The following CTDP1 variants were observed in gnomAD, a reference collection of about 807,000 sequenced individuals.
CTDP1 encodes RNA polymerase II subunit A C-terminal domain phosphatase.
CTDP1 carries 47 observed loss-of-function variants against 91.8 expected under a neutral mutation model. The observed-to-expected ratio is 0.51, with a 90% CI of 0.41 to 0.65. The LOEUF is 0.65. Ranked by LOEUF, CTDP1 falls within the 30% of genes least tolerant of loss-of-function variation. The pLI is 0.00. For synonymous variants in CTDP1, 656 were observed against 598.5 expected, an observed-to-expected ratio of 1.10 and a Z score of -1.40; for missense variants, 1,272 against 1,373.7, an observed-to-expected ratio of 0.93 and a Z score of 1.17.
At position 79,713,630 on chromosome 18, in the gene CTDP1, T is replaced by C. The variant is rs567705453; in HGVS notation, c.1030+492T>C. On this transcript the variant is annotated intron_variant, in intron 7 of 12. Coordinates refer to ENST00000613122, the MANE Select transcript of CTDP1 (RefSeq NM_004715.5). This position sits in a 1 kb window ranked among gnomAD's most constrained non-coding sequence, Gnocchi z 4.7. ...CCACCCTACGAAAGTTAAGTGTTTT[T>C]TGATCTTTAGTTTTTTGAAAAATAT... Among the ~76,000 whole-genome samples, 400 of 152,364 alleles carry C rather than the reference T, an allele frequency of 2.6e-3. 1 individual carries two copies. Among genetic ancestry groups the C allele is most frequent in the African/African-American group, 8.1e-3 (338 of 41,576 alleles).
intron 11 of CTDP1, among the ~76,000 whole-genome samples, chr18:79,733,516 G>A (rs978755774): frequency 6.6e-6 from 1 of 150,954 alleles, no homozygotes; most frequent in Non-Finnish European, 1.5e-5. Context: ...CGCTGCCTCT[G>A]CAGCTGCGTT....
At chr18:79,734,520 G>A (rs909620533) in intron 11 of CTDP1, among the ~76,000 whole-genome samples, 2 of 151,852 alleles carry the variant, frequency 1.3e-5, no homozygotes, top group East Asian at 1.9e-4. Flanking sequence ...ACGGGGGCAC[G>A]TGCCGGGCTG....
intron 10 of CTDP1, among the ~76,000 whole-genome samples, chr18:79,719,733 C>T (rs2086295937): frequency 1.4e-5 from 2 of 146,728 alleles, no homozygotes; most frequent in Admixed American, 1.4e-4. Context: ...GATGATGTCA[C>T]CTCCCATCGT....
chr18:79,714,550 G>T lies in CTDP1; in HGVS notation c.1090G>T (p.Gly364Trp), dbSNP rs200499662. ...EPSPPVRDPE[G>W]VTQAPGVEPS... Reference sequence around the variant, plus strand: ...ATCTCCGCCCGTGAGAGACCCTGAGGGGGTAACGCAGGCCCCTGGAGTGGA... The same window carrying T: ...ATCTCCGCCCGTGAGAGACCCTGAGTGGGTAACGCAGGCCCCTGGAGTGGA... The change falls in exon 8 of 13, where the codon GGG (glycine) becomes TGG (tryptophan). Residue 364 changes from glycine (G) to tryptophan (W), a missense_variant. Physicochemically the swap from Gly to Trp is radical, Grantham distance 184. Coordinates refer to ENST00000613122, the MANE Select transcript of CTDP1 (RefSeq NM_004715.5). The T allele has an allele frequency of 8.7e-6, 14 of 1,613,046 alleles. No homozygotes were observed. The South Asian group carries it at 8.8e-5, about 10-fold the overall frequency.
At chr18:79,723,951 G>C (rs567417877) in intron 10 of CTDP1, among the ~76,000 whole-genome samples, 1 of 152,374 alleles carries the variant, frequency 6.6e-6, no homozygotes, top group Non-Finnish European at 1.5e-5. Context: ...GCGGAGCCGG[G>C]TCTCATGGTG....
intron 1 of CTDP1, among the ~76,000 whole-genome samples, chr18:79,689,087 A>G (rs768676443): frequency 6.6e-6 from 1 of 152,180 alleles, no homozygotes; most frequent in Non-Finnish European, 1.5e-5. Flanking sequence ...AATAGTCCTA[A>G]TAAAGTCCTT....
intron 1 of CTDP1, chr18:79,683,265 C>T (rs1227784810): frequency 1.3e-5 from 2 of 152,262 alleles, no homozygotes; most frequent in Non-Finnish European, 2.9e-5. Flanking sequence ...AGATCTTTAT[C>T]TGGGAGAGCA....
intron 3 of CTDP1, among the ~76,000 whole-genome samples, chr18:79,696,491 C>T (rs1224048839): frequency 6.6e-6 from 1 of 151,546 alleles, no homozygotes; most frequent in Non-Finnish European, 1.5e-5. Flanking sequence ...CATATTGGGG[C>T]AGATAATGGC....
At position 79,695,983 on chromosome 18, in the gene CTDP1, G is replaced by A. The variant is rs1436524019; in HGVS notation, c.405G>A (p.Gln135=). The change falls in exon 3 of 13, where the codon CAG becomes CAA. Residue 135 remains glutamine (Q), a synonymous_variant. Transcript: ENST00000613122. ...CCTGTCCTTGCACTTGCAGGTTGCA[G>A]AGTAAGAACGGGAAGCAGCAGGTGC... is the stretch of plus-strand genomic sequence containing the variant. The part of the protein sequence containing the change: ...AECGQDLTQL[Q]SKNGKQQVPL... The A allele has an allele frequency of 6.2e-7, 1 of 1,612,188 alleles. No individual in the cohort carries two copies. The highest frequency in any genetic ancestry group is 8.5e-7 in the Non-Finnish European group (1 of 1,179,942).
chr18:79,711,912 C>T (rs1452703806), intron 6 of CTDP1, among the ~76,000 whole-genome samples: 1 of 126,820 alleles, frequency 7.9e-6, no homozygotes, highest in Non-Finnish European at 1.7e-5. Flanking sequence ...GATGTAACAC[C>T]ATGTCAGGTG....
intron 11 of CTDP1, among the ~76,000 whole-genome samples, chr18:79,733,301 T>C (rs2086601733): frequency 6.6e-6 from 1 of 152,148 alleles, no homozygotes; most frequent in African/African-American, 2.4e-5. Flanking sequence ...TTGGTGTGTT[T>C]GTGCACAAAC....
At chr18:79,697,563 T>C (rs538094908) in intron 3 of CTDP1, among the ~76,000 whole-genome samples, 7 of 152,366 alleles carry the variant, frequency 4.6e-5, no homozygotes, top group African/African-American at 1.7e-4. Context: ...AGTTCACTTT[T>C]ATTGAGCACT....
rs777554210 is a variant in CTDP1, at chr18:79,717,872, C to G, written c.2273C>G (p.Pro758Arg). 6.2e-7 allele frequency: 1 copy of G among 1,613,650 alleles called. No individual in the cohort carries two copies. Among genetic ancestry groups the G allele is most frequent in the Non-Finnish European group, 8.5e-7 (1 of 1,180,002 alleles). Residue 758 changes from proline (P) to arginine (R), a missense_variant, in exon 10 of 13, where the codon CCG becomes CGG. Physicochemically the swap from Pro to Arg is moderately radical, Grantham distance 103. Coordinates refer to ENST00000613122, the MANE Select transcript of CTDP1 (RefSeq NM_004715.5). ...GTGCCCCCCACCGCCTTGTTCCACCCGATGCCGGTTCTTCCCAAGGCCCAG... is the reference window on the plus strand; with the variant it reads ...GTGCCCCCCACCGCCTTGTTCCACCGGATGCCGGTTCTTCCCAAGGCCCAG... Reference protein sequence around the residue: ...EGVPPTALFHPMPVLPKAQPG... With the variant: ...EGVPPTALFHRMPVLPKAQPG...
At chr18:79,747,259 G>T (rs1353476611) in intron 12 of CTDP1, among the ~76,000 whole-genome samples, 1 of 152,210 alleles carries the variant, frequency 6.6e-6, no homozygotes, top group African/African-American at 2.4e-5. Context: ...CCAGCTCCCT[G>T]CTGGGAAGGG....
At chr18:79,711,762 T>A (rs992186016) in intron 6 of CTDP1, among the ~76,000 whole-genome samples, 1 of 152,212 alleles carries the variant, frequency 6.6e-6, no homozygotes, top group African/African-American at 2.4e-5. Context: ...TCCTGTCAGC[T>A]CCTCTGAGCC....
At position 79,714,855 on chromosome 18, in the gene CTDP1, G is replaced by A. The variant is rs1408211892; in HGVS notation, c.1395G>A (p.Glu465=). 6.3e-7 allele frequency: 1 copy of A among 1,589,654 alleles called. No individual in the cohort carries two copies. Among genetic ancestry groups the A allele is most frequent in the Non-Finnish European group, 8.6e-7 (1 of 1,169,180 alleles). The change falls in exon 8 of 13, where the codon GAG becomes GAA. Residue 465 remains glutamate (E), a synonymous_variant. Transcript: ENST00000613122. ...SSDSESSSES[E]GTKSSSSASD... is the part of the protein sequence containing the mutation. ...ACAGCGAGAGCAGCAGTGAGTCCGA[G>A]GGCACGAAGTCCTCCTCCTCCGCCT...
chr18:79,739,425 T>C (rs1424489033), intron 12 of CTDP1, among the ~76,000 whole-genome samples: 1 of 151,354 alleles, frequency 6.6e-6, no homozygotes, highest in African/African-American at 2.4e-5. Flanking sequence ...TTTTGCTAAA[T>C]GACCTGCGCA....
intron 11 of CTDP1, among the ~76,000 whole-genome samples, chr18:79,732,565 A>C (rs1196655706): frequency 1.4e-5 from 2 of 142,748 alleles, no homozygotes. Context: ...CACGTGAGAC[A>C]TGAGAACTCA....
At chr18:79,730,921 T>C (rs1463824394) in intron 11 of CTDP1, among the ~76,000 whole-genome samples, 1 of 152,238 alleles carries the variant, frequency 6.6e-6, no homozygotes, top group Non-Finnish European at 1.5e-5. Context: ...CGCCTGGTTA[T>C]TACAGCAGCC....
Sources: gnomAD v4.1 joint callset for allele counts (sites outside exome capture counted in the v4.1 genomes callset) on GRCh38, gnomAD v4.1.1 for gene constraint, Gnocchi (gnomAD v3.1) non-coding constraint, MANE v1.5 for transcripts, NCBI Gene and HGNC (gene_info 2026-07-23, HGNC 2026-07-21) for gene names.